The following ZNF346 variants were observed in gnomAD, a reference collection of about 807,000 sequenced individuals.
ZNF346 encodes zinc finger protein 346.
ZNF346 carries 23 observed loss-of-function variants against 33.7 expected under a neutral mutation model. That is an observed-to-expected ratio of 0.68 (90% CI 0.49 to 0.97). The LOEUF is 0.97. Ranked by LOEUF, ZNF346 falls within the 50% of genes least tolerant of loss-of-function variation. ZNF346 has a pLI of 0.00. For synonymous variants in ZNF346, 134 were observed against 142.4 expected, an observed-to-expected ratio of 0.94 and a Z score of 0.42; for missense variants, 340 against 371.1, an observed-to-expected ratio of 0.92 and a Z score of 0.69.
chr5:177,035,413 T>G (rs563058704), intron 1 of ZNF346, among the ~76,000 whole-genome samples: 1 of 152,178 alleles, frequency 6.6e-6, no homozygotes, highest in Admixed American at 6.5e-5. Flanking sequence ...TGTGCAGATA[T>G]CATGGCAAAA....
At chr5:177,023,378 T>A in intron 1 of ZNF346, 1 of 661,744 alleles carries the variant, frequency 1.5e-6, no homozygotes. Context: ...CCCCCTGGGT[T>A]CCTCCTGGTC....
chr5:177,070,505 G>C (rs73343966), downstream of ZNF346, among the ~76,000 whole-genome samples: 716 of 152,212 alleles, frequency 4.7e-3, 7 homozygotes, highest in African/African-American at 0.016. Context: ...TGGGAAGCAA[G>C]CAGCTAAGGT....
intron 8 of ZNF346, among the ~76,000 whole-genome samples, chr5:177,075,490 T>C (rs1783704498): frequency 6.6e-6 from 1 of 152,176 alleles, no homozygotes; most frequent in Admixed American, 6.5e-5. Context: ...TATCCCCTAA[T>C]ATGGGCTGTA....
chr5:177,050,810 A>G lies in ZNF346; in HGVS notation c.577A>G (p.Thr193Ala). The change falls in exon 5 of 7, where the codon ACT (threonine) becomes GCT (alanine). Residue 193 changes from threonine (T) to alanine (A), a missense_variant. Thr to Ala is a moderately conservative substitution (Grantham distance 58). Transcript: ENST00000358149. ...PDKFCSLCHA[T>A]FNDPVMAQQH... Reference sequence around the variant, plus strand: ...CAAGTTCTGCAGCCTCTGCCATGCAACTTTCAACGACCCTGTCATGGCTCA... The same window carrying G: ...CAAGTTCTGCAGCCTCTGCCATGCAGCTTTCAACGACCCTGTCATGGCTCA... 2 of 1,614,174 alleles carry G rather than the reference A, an allele frequency of 1.2e-6. No individual in the cohort carries two copies. The highest frequency in any genetic ancestry group is 1.7e-6 in the Non-Finnish European group (2 of 1,180,018).
At chr5:177,064,468 C>A in intron 6 of ZNF346, 44 bp from the exon 7 acceptor site, 1 of 1,498,758 alleles carries the variant, frequency 6.7e-7, no homozygotes, top group Non-Finnish European at 9.3e-7. Context: ...GCCAATACAG[C>A]TGCCACACAC....
chr5:177,049,606 A>G (rs1004213204), intron 4 of ZNF346, among the ~76,000 whole-genome samples: 2 of 152,208 alleles, frequency 1.3e-5, no homozygotes, highest in African/African-American at 4.8e-5. Flanking sequence ...TGAAGGCGTA[A>G]GTAAGAGCTA....
chr5:177,040,808 G>A (rs1173088601), intron 1 of ZNF346, among the ~76,000 whole-genome samples: 1 of 152,088 alleles, frequency 6.6e-6, no homozygotes, highest in Non-Finnish European at 1.5e-5. Context: ...CTTCTTCCTG[G>A]GGAATGCTCC....
intron 5 of ZNF346, among the ~76,000 whole-genome samples, chr5:177,057,979 G>C (rs998180866): frequency 1.3e-5 from 2 of 149,820 alleles, no homozygotes; most frequent in Admixed American, 1.3e-4. Flanking sequence ...GCACCACCAC[G>C]GCCAGCTAAT....
rs10682528 is a variant in ZNF346, at chr5:177,028,040, CTTTTTTTTTTTT to C, written c.175+5148_175+5159del. Among the ~76,000 whole-genome samples, 186 of 33,552 alleles carry C rather than the reference CTTTTTTTTTTTT, an allele frequency of 5.5e-3. 2 individuals carry two copies. The highest frequency in any genetic ancestry group is 0.025 in the African/African-American group (179 of 7,230). 22.0% of individuals were successfully genotyped at this position (33,552 alleles called of 152,430 possible). On this transcript the variant is annotated intron_variant, in intron 1 of 6. Coordinates refer to ENST00000358149, the MANE Select transcript of ZNF346 (RefSeq NM_012279.4). Reference sequence around the variant, plus strand: ...GAATATTTTGTTTCTCCTTGTGTCACTTTTTTTTTTTTTTTTTTTTTTTTTTTTTTTTGAGAC... The same window carrying C: ...GAATATTTTGTTTCTCCTTGTGTCACTTTTTTTTTTTTTTTTTTTTGAGAC...
chr5:177,066,599 G>T lies in ZNF346; in HGVS notation c.*2000G>T, dbSNP rs1037732647. Among the ~76,000 whole-genome samples the T allele has an allele frequency of 6.6e-6, 1 of 151,994 alleles. No homozygotes were observed. The highest frequency in any genetic ancestry group is 1.5e-5 in the Non-Finnish European group (1 of 68,014). On this transcript the variant is annotated 3_prime_UTR_variant, in exon 7 of 7. Transcript: ENST00000358149. ...AAGGAGTGTTATGGCCAGGTGCGGC[G>T]TCATGCACCTATAGTCCCAGCTGCT... is the stretch of plus-strand genomic sequence containing the variant.
At chr5:177,024,178 A>ACACTATTT (rs1240365398) in intron 1 of ZNF346, among the ~76,000 whole-genome samples, 1 of 130,604 alleles carries the variant, frequency 7.7e-6, no homozygotes, top group East Asian at 2.2e-4. Flanking sequence ...ACACACACAC[A>ACACTATTT]CTATTTCTGG....
chr5:177,067,498 A>G lies in ZNF346; in HGVS notation c.*2899A>G, dbSNP rs1490861476. On this transcript the variant is annotated 3_prime_UTR_variant, in exon 7 of 7. Transcript: ENST00000358149. ...GTCCTTCTAAGCCACCTAGTATGTC[A>G]GATTCAGCCCCATCTACCAAGCAAG... Among the ~76,000 whole-genome samples the G allele has an allele frequency of 6.6e-6, 1 of 152,192 alleles. No individual in the cohort carries two copies. The highest frequency in any genetic ancestry group is 1.5e-5 in the Non-Finnish European group (1 of 68,044).
In ZNF346 at chr5:177,047,364, G is replaced by T. The variant is rs1369148872; in HGVS notation, c.517+2831G>T. 2.0e-4 allele frequency among the ~76,000 whole-genome samples: 30 copies of T among 148,962 alleles called. No individual in the cohort carries two copies. In the Admixed American group the frequency reaches 2.0e-3, roughly 10 times the overall value. ...TGTTTTTTTTTTTTTTTGAGATGGAGTCTCCCTCTTTTGCCCAAGCTGGAG... is the reference window on the plus strand; with the variant it reads ...TGTTTTTTTTTTTTTTTGAGATGGATTCTCCCTCTTTTGCCCAAGCTGGAG... On this transcript the variant is annotated intron_variant, in intron 4 of 6. Coordinates refer to ENST00000358149, the MANE Select transcript of ZNF346 (RefSeq NM_012279.4).
intron 3 of ZNF346, among the ~76,000 whole-genome samples, chr5:177,042,865 G>A (rs1779525162): frequency 1.3e-5 from 2 of 152,028 alleles, no homozygotes; most frequent in South Asian, 4.1e-4. Context: ...CAAGTAGCTA[G>A]GACTACAGGC....
chr5:177,058,074 G>A (rs1781985297), intron 5 of ZNF346, among the ~76,000 whole-genome samples: 1 of 151,348 alleles, frequency 6.6e-6, no homozygotes, highest in African/African-American at 2.4e-5. Flanking sequence ...GGCCGCCTCA[G>A]CCTCCCAGAG....
chr5:177,061,987 ACT>A, intron 5 of ZNF346, 69 bp from the exon 6 acceptor site: 1 of 1,373,220 alleles, frequency 7.3e-7, no homozygotes, highest in Non-Finnish European at 1.0e-6. Context: ...GCATTTGTAC[ACT>A]CTGAAAAGCA....
At chr5:177,051,727 C>G (rs1031244390) in intron 5 of ZNF346, 5 of 151,618 alleles carry the variant, frequency 3.3e-5, no homozygotes, top group African/African-American at 1.2e-4. Flanking sequence ...TTAGTAGAGA[C>G]AAGGTTTCAC....
At chr5:177,050,125 C>G (rs533513181) in intron 4 of ZNF346, among the ~76,000 whole-genome samples, 1 of 152,148 alleles carries the variant, frequency 6.6e-6, no homozygotes, top group Non-Finnish European at 1.5e-5. Context: ...GTGAGCAAAA[C>G]GCATAACTAA....
intron 1 of ZNF346, among the ~76,000 whole-genome samples, chr5:177,037,357 T>G (rs1269838911): frequency 6.6e-6 from 1 of 152,156 alleles, no homozygotes; most frequent in Non-Finnish European, 1.5e-5. Flanking sequence ...CATTTATATC[T>G]CCAGCTCTGA....
Sources: allele counts gnomAD v4.1 joint callset (sites outside exome capture counted in the v4.1 genomes callset), GRCh38; gene constraint gnomAD v4.1.1; transcripts MANE v1.5; gene names NCBI Gene and HGNC (gene_info 2026-07-23, HGNC 2026-07-21).